Variants in DDX10 observed in about 807,000 individuals in gnomAD.
The protein encoded by DDX10 is probable ATP-dependent RNA helicase DDX10.
A neutral mutation model predicts 104.3 loss-of-function variants in DDX10; 74 were observed. The ratio of observed to expected loss-of-function variants is 0.71; its 90% confidence interval spans 0.59 to 0.86. The LOEUF (loss-of-function observed/expected upper bound fraction) is 0.86, where lower values mean the gene tolerates loss of function less well. Among genes scored for constraint, DDX10 ranks in the 40% least tolerant of loss-of-function variants. The pLI is 0.00. For missense variants in DDX10, 952 were observed against 1,040.0 expected (o/e 0.92, Z 1.16); for synonymous variants, 351 against 353.4 (o/e 0.99, Z 0.08).
At chr11:108,791,008 T>G (rs1446184524) in intron 13 of DDX10, among the ~76,000 whole-genome samples, 1 of 152,234 alleles carries the variant, frequency 6.6e-6, no homozygotes, top group Admixed American at 6.5e-5. Flanking sequence ...TACTTTATAA[T>G]GTGGTTTTGA....
chr11:108,665,376 A>G lies in DDX10; in HGVS notation c.186+37A>G, dbSNP rs368861369. On this transcript the variant is annotated intron_variant, in intron 1 of 17. Transcript: ENST00000322536. ...GCTGGGGAGGGGGCTCGGGCCGGCC[A>G]GCAGCGGGGCAGCGTCTCACTGCGG... is the stretch of plus-strand genomic sequence containing the variant. 317 of 1,521,996 alleles carry G rather than the reference A, an allele frequency of 2.1e-4. 1 individual carries two copies. Among genetic ancestry groups the G allele is most frequent in the South Asian group, 6.4e-4 (50 of 77,608 alleles). The allele number at this position is 1,521,996 out of a possible 1,614,324, so 94.3% of individuals were successfully genotyped here.
intron 1 of DDX10, among the ~76,000 whole-genome samples, chr11:108,666,457 G>T (rs1019045371): frequency 6.6e-6 from 1 of 152,164 alleles, no homozygotes; most frequent in African/African-American, 2.4e-5. Flanking sequence ...TCCAGACTGG[G>T]TGACATGAGT....
intron 16 of DDX10, among the ~76,000 whole-genome samples, chr11:108,868,549 G>T (rs929702430): frequency 6.6e-6 from 1 of 151,970 alleles, no homozygotes; most frequent in Non-Finnish European, 1.5e-5. Flanking sequence ...TAAAATGATG[G>T]TCACAATCCA....
intron 13 of DDX10, among the ~76,000 whole-genome samples, chr11:108,748,993 G>T (rs961603845): frequency 1.3e-5 from 2 of 151,856 alleles, no homozygotes; most frequent in East Asian, 3.9e-4. Context: ...TGGGGCAGTA[G>T]AATACAGAGT....
At chr11:108,739,991 T>C (rs989003439) in intron 13 of DDX10, among the ~76,000 whole-genome samples, 4 of 151,800 alleles carry the variant, frequency 2.6e-5, no homozygotes, top group Non-Finnish European at 4.4e-5. Context: ...TTTTTTTTTT[T>C]TGAAAAAATT....
At chr11:108,758,849 A>G (rs2094347496) in intron 13 of DDX10, among the ~76,000 whole-genome samples, 1 of 152,088 alleles carries the variant, frequency 6.6e-6, no homozygotes, top group Non-Finnish European at 1.5e-5. Context: ...TTGCCATGTA[A>G]CTATATTCAC....
chr11:108,922,036 G>A (rs566414924), intron 17 of DDX10: 3 of 152,026 alleles, frequency 2.0e-5, no homozygotes, highest in Admixed American at 6.6e-5. Context: ...ACAAGGTCAA[G>A]AGATTGAGAC....
chr11:108,916,298 G>C (rs1330363325), intron 16 of DDX10, among the ~76,000 whole-genome samples: 1 of 152,098 alleles, frequency 6.6e-6, no homozygotes, highest in African/African-American at 2.4e-5. Context: ...TCCAATTTTT[G>C]TTGGTGTCTT....
chr11:108,873,883 C>G lies in DDX10; in HGVS notation c.2304+21674C>G, dbSNP rs568948702. Reference sequence around the variant, plus strand: ...ATCCCAAGTAAATTACTCTATTAATCTTTCATTCTTCTAGGTATTGGACTA... The same window carrying G: ...ATCCCAAGTAAATTACTCTATTAATGTTTCATTCTTCTAGGTATTGGACTA... On this transcript the variant is annotated intron_variant, in intron 16 of 17. Coordinates refer to ENST00000322536, the MANE Select transcript of DDX10 (RefSeq NM_004398.4). Among the ~76,000 whole-genome samples, 11 of 152,312 alleles carry G rather than the reference C, an allele frequency of 7.2e-5. No individual in the cohort carries two copies. In the East Asian group the frequency reaches 2.1e-3, roughly 29 times the overall value.
intron 13 of DDX10, among the ~76,000 whole-genome samples, chr11:108,729,398 A>ATAACCCACATTTCAGTAAC (rs1242889743): frequency 1.3e-5 from 2 of 152,184 alleles, no homozygotes; most frequent in Non-Finnish European, 2.9e-5. Flanking sequence ...GAGTGATTGA[A>ATAACCCACATTTCAGTAAC]TAACCCACAT....
intron 13 of DDX10, among the ~76,000 whole-genome samples, chr11:108,761,219 C>T (rs2094350475): frequency 2.6e-5 from 4 of 152,140 alleles, no homozygotes; most frequent in South Asian, 4.2e-4. Context: ...AGGGCATGAG[C>T]GGATCTTTTT....
At chr11:108,750,045 C>T (rs1324712620) in intron 13 of DDX10, among the ~76,000 whole-genome samples, 1 of 152,068 alleles carries the variant, frequency 6.6e-6, no homozygotes, top group Non-Finnish European at 1.5e-5. Context: ...TAAAGTACAG[C>T]TGTTGCTTTG....
intron 13 of DDX10, among the ~76,000 whole-genome samples, chr11:108,832,716 A>G (rs1486288345): frequency 6.6e-6 from 1 of 152,274 alleles, no homozygotes; most frequent in Non-Finnish European, 1.5e-5. Flanking sequence ...ATAAGTTTGT[A>G]TAACTTTGGG....
chr11:108,883,715 C>T (rs190945729), intron 16 of DDX10, among the ~76,000 whole-genome samples: 8 of 152,230 alleles, frequency 5.3e-5, no homozygotes. Flanking sequence ...TCCACTTGAC[C>T]AAAACCTGTC....
intron 13 of DDX10, among the ~76,000 whole-genome samples, chr11:108,788,011 T>C (rs1435931181): frequency 6.6e-6 from 1 of 152,260 alleles, no homozygotes; most frequent in African/African-American, 2.4e-5. Context: ...GTTCTTAAAA[T>C]GGCTATTTTG....
chr11:108,808,485 A>G (rs1258014763), intron 13 of DDX10, among the ~76,000 whole-genome samples: 1 of 152,202 alleles, frequency 6.6e-6, no homozygotes, highest in Non-Finnish European at 1.5e-5. Flanking sequence ...TTTAAGTACC[A>G]TAAAGATGTT....
At chr11:108,855,567 C>T (rs1862855884) in intron 16 of DDX10, among the ~76,000 whole-genome samples, 1 of 152,184 alleles carries the variant, frequency 6.6e-6, no homozygotes, top group Non-Finnish European at 1.5e-5. Flanking sequence ...TCAAGCGATT[C>T]TCCTGCCTCA....
At chr11:108,703,488 C>A (rs1268562104) in intron 9 of DDX10, among the ~76,000 whole-genome samples, 1 of 152,100 alleles carries the variant, frequency 6.6e-6, no homozygotes, top group East Asian at 1.9e-4. Context: ...TGCCACCACT[C>A]CCAGCTAAGT....
At chr11:108,871,940 A>T (rs1373907725) in intron 16 of DDX10, among the ~76,000 whole-genome samples, 2 of 151,742 alleles carry the variant, frequency 1.3e-5, no homozygotes, top group Non-Finnish European at 2.9e-5. Context: ...AAAAAAAAAA[A>T]TTAAGCTTTG....
Sources: gnomAD v4.1 joint callset for allele counts (sites outside exome capture counted in the v4.1 genomes callset) on GRCh38, gnomAD v4.1.1 for gene constraint, MANE v1.5 for transcripts, NCBI Gene and HGNC (gene_info 2026-07-23, HGNC 2026-07-21) for gene names.